The following DYNC1I1 variants were observed in gnomAD, a reference collection of about 807,000 sequenced individuals.
The protein encoded by DYNC1I1 is dynein cytoplasmic 1 intermediate chain 1, also known as cytoplasmic dynein 1 intermediate chain 1.
Under a neutral mutation model 86.6 loss-of-function variants are expected in DYNC1I1, and 43 were observed. The observed-to-expected ratio is 0.50, with a 90% CI of 0.39 to 0.64. The LOEUF is 0.64. DYNC1I1 is among the 30% of genes least tolerant of loss of function. The pLI is 0.00. For synonymous variants in DYNC1I1, 262 were observed against 283.7 expected, an observed-to-expected ratio of 0.92 and a Z score of 0.77; for missense variants, 604 against 788.8, an observed-to-expected ratio of 0.77 and a Z score of 2.81.
intron 5 of DYNC1I1, among the ~76,000 whole-genome samples, chr7:95,860,572 G>A (rs1052841444): frequency 6.6e-6 from 1 of 152,166 alleles, no homozygotes; most frequent in Non-Finnish European, 1.5e-5. Context: ...GACCTACTTT[G>A]TCATCTGGCC....
intron 16 of DYNC1I1, among the ~76,000 whole-genome samples, chr7:96,082,448 C>T (rs1175113187): frequency 6.6e-6 from 1 of 152,148 alleles, no homozygotes; most frequent in Non-Finnish European, 1.5e-5. Flanking sequence ...ACTCTTTGCT[C>T]TATCTCCTTT....
chr7:95,774,562 A>G (rs1029544701), intron 1 of DYNC1I1, among the ~76,000 whole-genome samples: 4 of 152,236 alleles, frequency 2.6e-5, no homozygotes, highest in African/African-American at 9.6e-5. Context: ...GTAGTGGTCC[A>G]TGGTCTTCAG....
rs188509131 is a variant in DYNC1I1 at position 95,818,661 on chromosome 7, A to G, written c.314+5324A>G. ...GTGCCCAGCCTAAAAATCTCTTACT[A>G]TTATAGAAACAACACCTGTGTATTT... On this transcript the variant is annotated intron_variant, in intron 4 of 16. Transcript: ENST00000447467. The G allele has an allele frequency of 5.7e-3, 2,790 of 486,512 alleles. 39 individuals are homozygous for G. The highest frequency in any genetic ancestry group is 0.041 in the Admixed American group (1,241 of 30,250). 30.1% of individuals were successfully genotyped at this position (486,512 alleles called of 1,614,324 possible).
At chr7:95,936,116 A>G (rs1254993283) in intron 6 of DYNC1I1, among the ~76,000 whole-genome samples, 1 of 152,046 alleles carries the variant, frequency 6.6e-6, no homozygotes, top group East Asian at 1.9e-4. Flanking sequence ...AGGCAAGCAA[A>G]TATTAAATTC....
chr7:95,901,662 AT>A lies in DYNC1I1; in HGVS notation c.490+31668del, dbSNP rs1191371820. On this transcript the variant is annotated intron_variant, in intron 6 of 16. Coordinates refer to ENST00000447467, the MANE Select transcript of DYNC1I1 (RefSeq NM_001135556.2). ...CTTGCTTTAATTGACCAAAAATGCCATTTTCAAAATGTTCAATTCTCTGCAA... is the reference window on the plus strand; with the variant it reads ...CTTGCTTTAATTGACCAAAAATGCCATTTCAAAATGTTCAATTCTCTGCAA... 3.3e-5 allele frequency among the ~76,000 whole-genome samples: 5 copies of A among 152,252 alleles called. No individual in the cohort carries two copies. The East Asian group carries it at 9.7e-4, about 29-fold the overall frequency.
At chr7:95,907,189 G>A (rs903335920) in intron 6 of DYNC1I1, among the ~76,000 whole-genome samples, 1 of 152,042 alleles carries the variant, frequency 6.6e-6, no homozygotes, top group Non-Finnish European at 1.5e-5. Flanking sequence ...CACTTCTCAG[G>A]TAATGCAAAA....
intron 9 of DYNC1I1, among the ~76,000 whole-genome samples, chr7:95,994,309 G>A (rs1362165421): frequency 2.0e-5 from 3 of 152,116 alleles, no homozygotes; most frequent in African/African-American, 7.2e-5. Context: ...GCTTGCAATC[G>A]AGTGAAAGAC....
At chr7:95,998,264 C>A (rs907052008) in intron 10 of DYNC1I1, among the ~76,000 whole-genome samples, 3 of 152,214 alleles carry the variant, frequency 2.0e-5, no homozygotes, top group South Asian at 2.1e-4. Flanking sequence ...TCGCATACAT[C>A]GTGCCATCAC....
intron 6 of DYNC1I1, among the ~76,000 whole-genome samples, chr7:95,920,966 T>G (rs1422746781): frequency 1.3e-5 from 2 of 152,204 alleles, no homozygotes; most frequent in Admixed American, 1.3e-4. Context: ...AACTTAGTAG[T>G]AGATGGCCGC....
At chr7:96,080,531 A>G (rs774653626) in intron 16 of DYNC1I1, 43 bp downstream of exon 16, 10 of 1,613,892 alleles carry the variant, frequency 6.2e-6, no homozygotes, top group Admixed American at 1.7e-5. Context: ...TGACTTGTGT[A>G]TCTACTTTAG....
At chr7:96,109,067 T>C (rs1394538035) in intron 16 of DYNC1I1, among the ~76,000 whole-genome samples, 2 of 152,184 alleles carry the variant, frequency 1.3e-5, no homozygotes, top group African/African-American at 4.8e-5. Flanking sequence ...GTAGACTCTG[T>C]ACTGCTGTCC....
chr7:95,837,042 C>T (rs1584265520), intron 5 of DYNC1I1, among the ~76,000 whole-genome samples: 1 of 150,820 alleles, frequency 6.6e-6, no homozygotes, highest in African/African-American at 2.4e-5. Context: ...AGGAGAGGCG[C>T]TCTGCTTTTT....
intron 6 of DYNC1I1, among the ~76,000 whole-genome samples, chr7:95,900,781 A>C (rs1791016903): frequency 6.6e-6 from 1 of 152,174 alleles, no homozygotes; most frequent in Admixed American, 6.5e-5. Flanking sequence ...TGGAATAAAA[A>C]AGTTTTATTA....
chr7:96,028,033 A>G lies in DYNC1I1; in HGVS notation c.970-142A>G, dbSNP rs1468273980. The G allele has an allele frequency of 5.8e-6, 7 of 1,217,042 alleles. No individual in the cohort carries two copies. The East Asian group carries it at 1.7e-4, about 29-fold the overall frequency. The allele number at this position is 1,217,042 out of a possible 1,614,324, so 75.4% of individuals were successfully genotyped here. A position where few individuals can be genotyped will look rare whatever the true frequency, so the allele number is the denominator to read the frequency against. ...GTACAAAATTTCTTAGTAACTATGC[A>G]CTTTTACAGTCCCAGCTTTAAATTA... On this transcript the variant is annotated intron_variant, in intron 10 of 16. Coordinates refer to ENST00000447467, the MANE Select transcript of DYNC1I1 (RefSeq NM_001135556.2).
At chr7:96,007,330 C>G (rs1322088555) in intron 10 of DYNC1I1, among the ~76,000 whole-genome samples, 2 of 152,144 alleles carry the variant, frequency 1.3e-5, no homozygotes, top group Non-Finnish European at 2.9e-5. Context: ...GGATACTTAT[C>G]CTGAGGGATC....
intron 14 of DYNC1I1, among the ~76,000 whole-genome samples, chr7:96,058,562 C>CA (rs1221902612): frequency 6.6e-6 from 1 of 152,132 alleles, no homozygotes; most frequent in Admixed American, 6.5e-5. Context: ...CAAGGGCAGA[C>CA]AAAACCCCCC....
intron 1 of DYNC1I1, among the ~76,000 whole-genome samples, chr7:95,796,010 C>G (rs1310663289): frequency 1.3e-5 from 2 of 150,144 alleles, no homozygotes; most frequent in Admixed American, 6.7e-5. Context: ...TAAAAATCAC[C>G]CTTTGTTTTC....
intron 6 of DYNC1I1, among the ~76,000 whole-genome samples, chr7:95,945,868 G>A (rs926688674): frequency 6.6e-6 from 1 of 152,002 alleles, no homozygotes; most frequent in Admixed American, 6.6e-5. Flanking sequence ...GTTCATTGCA[G>A]CACTATTTAC....
At chr7:96,050,026 AAAAC>A (rs1196987495) in intron 14 of DYNC1I1, among the ~76,000 whole-genome samples, 2 of 148,748 alleles carry the variant, frequency 1.3e-5, no homozygotes, top group African/African-American at 5.0e-5. Flanking sequence ...CATCTCAAAA[AAAAC>A]AAACAAACAA....
Sources: gnomAD v4.1 joint callset for allele counts (sites outside exome capture counted in the v4.1 genomes callset) on GRCh38, gnomAD v4.1.1 for gene constraint, MANE v1.5 for transcripts, NCBI Gene and HGNC (gene_info 2026-07-23, HGNC 2026-07-21) for gene names.